The following HMGA2 variants were observed in gnomAD, a reference collection of about 807,000 sequenced individuals.
The protein encoded by HMGA2 is high mobility group AT-hook 2.
A neutral mutation model predicts 19.1 loss-of-function variants in HMGA2; 8 were observed. The observed-to-expected ratio is 0.42, with a 90% CI of 0.25 to 0.76. HMGA2 has a LOEUF of 0.76. Among genes scored for constraint, HMGA2 ranks in the 30% least tolerant of loss-of-function variants. The pLI is 0.28. For synonymous variants in HMGA2, 60 were observed against 48.8 expected, an observed-to-expected ratio of 1.23 and a Z score of -0.96; for missense variants, 109 against 136.3, an observed-to-expected ratio of 0.80 and a Z score of 1.00.
chr12:65,896,918 G>A (rs1470532215), intron 3 of HMGA2, among the ~76,000 whole-genome samples: 5 of 152,176 alleles, frequency 3.3e-5, no homozygotes, highest in Non-Finnish European at 5.9e-5. Context: ...CTGCTGTGGT[G>A]GTATATCCCT....
chr12:65,890,262 C>T (rs1478874277), intron 3 of HMGA2, among the ~76,000 whole-genome samples: 2 of 152,164 alleles, frequency 1.3e-5, no homozygotes, highest in Admixed American at 6.5e-5. Flanking sequence ...CTCAATAGTA[C>T]AGAGACCATG....
intron 3 of HMGA2, among the ~76,000 whole-genome samples, chr12:65,921,265 G>GTTT (rs1281681694): frequency 6.6e-6 from 1 of 152,114 alleles, no homozygotes; most frequent in South Asian, 2.1e-4. Flanking sequence ...TTTTGTTTTT[G>GTTT]TTTTTGTTTT....
At chr12:65,868,352 G>T (rs1218121793) in intron 3 of HMGA2, among the ~76,000 whole-genome samples, 2 of 151,538 alleles carry the variant, frequency 1.3e-5, no homozygotes, top group South Asian at 2.1e-4. Flanking sequence ...TTTGTTCTTA[G>T]AGTTCAGAAC....
At chr12:65,925,185 A>C (rs1474132669) in intron 3 of HMGA2, among the ~76,000 whole-genome samples, 2 of 152,194 alleles carry the variant, frequency 1.3e-5, no homozygotes, top group Admixed American at 1.3e-4. Context: ...CTTTTCTACA[A>C]TTTCTAAAGT....
intron 3 of HMGA2, among the ~76,000 whole-genome samples, chr12:65,848,752 A>T (rs1871332101): frequency 6.6e-6 from 1 of 152,066 alleles, no homozygotes; most frequent in South Asian, 2.1e-4. Flanking sequence ...GCTACTCGGG[A>T]GGCTGAGGCA....
chr12:65,875,604 T>TTTTTTTTTTTTC (rs1872965103), intron 3 of HMGA2, among the ~76,000 whole-genome samples: 1 of 87,318 alleles, frequency 1.1e-5, no homozygotes, highest in Non-Finnish European at 2.2e-5. Flanking sequence ...TTTTTTTTTT[T>TTTTTTTTTTTTC]TTTTTTTTTT....
intron 3 of HMGA2, among the ~76,000 whole-genome samples, chr12:65,946,432 T>C (rs1876265981): frequency 6.6e-6 from 1 of 152,214 alleles, no homozygotes; most frequent in South Asian, 2.1e-4. Flanking sequence ...GGCTTCTTTC[T>C]TTCTAAGGTC....
chr12:65,933,229 G>A (rs530682337), intron 3 of HMGA2, among the ~76,000 whole-genome samples: 7 of 152,200 alleles, frequency 4.6e-5, no homozygotes, highest in African/African-American at 1.7e-4. Context: ...ATTATCAGCT[G>A]CCAAGAGTAA....
At chr12:65,837,255 A>G (rs1285501985) in intron 2 of HMGA2, among the ~76,000 whole-genome samples, 1 of 152,222 alleles carries the variant, frequency 6.6e-6, no homozygotes, top group Non-Finnish European at 1.5e-5. Context: ...ATGCCAGATC[A>G]GGGAGATACT....
chr12:65,937,107 T>C (rs1325140151), intron 3 of HMGA2, among the ~76,000 whole-genome samples: 1 of 152,086 alleles, frequency 6.6e-6, no homozygotes, highest in Admixed American at 6.6e-5. Flanking sequence ...CTTACAAACA[T>C]CCTTCTTTTA....
intron 1 of HMGA2, chr12:65,826,595 G>C (rs1384495005): frequency 6.6e-6 from 1 of 152,108 alleles, no homozygotes; most frequent in Non-Finnish European, 1.5e-5. Context: ...AAAATTGAGA[G>C]TTGTACCTTT....
intron 3 of HMGA2, among the ~76,000 whole-genome samples, chr12:65,947,883 A>G (rs775600942): frequency 6.8e-4 from 103 of 152,200 alleles, no homozygotes; most frequent in Non-Finnish European, 1.2e-3. Flanking sequence ...TTCATCAGCA[A>G]CCTGGAGGAA....
intron 3 of HMGA2, among the ~76,000 whole-genome samples, chr12:65,852,977 G>A (rs571220595): frequency 2.6e-4 from 40 of 152,306 alleles, no homozygotes; most frequent in Non-Finnish European, 4.7e-4. Flanking sequence ...ATCTAAATGA[G>A]AAGGAAACTT....
chr12:65,949,694 G>A (rs1343781906), intron 3 of HMGA2, among the ~76,000 whole-genome samples: 1 of 152,112 alleles, frequency 6.6e-6, no homozygotes, highest in East Asian at 1.9e-4. Context: ...ACTCAAAAGA[G>A]GAGAGTTTTG....
In HMGA2 at chr12:65,880,681, G is replaced by A. The variant is rs184050006; in HGVS notation, c.249+42112G>A. Among the ~76,000 whole-genome samples, 88 of 152,176 alleles carry A rather than the reference G, an allele frequency of 5.8e-4. 1 individual carries two copies. Among genetic ancestry groups the A allele is most frequent in the African/African-American group, 2.0e-3 (85 of 41,530 alleles). ...GACAATGTACAGTTAAGACCTCATC[G>A]ATATCTCCCGGTAAATGCTTATTTA... is the stretch of plus-strand genomic sequence containing the variant. On this transcript the variant is annotated intron_variant, in intron 3 of 4. Coordinates refer to ENST00000403681, the MANE Select transcript of HMGA2 (RefSeq NM_003483.6).
chr12:65,906,316 G>A (rs184392105), intron 3 of HMGA2, among the ~76,000 whole-genome samples: 1 of 152,114 alleles, frequency 6.6e-6, no homozygotes, highest in South Asian at 2.1e-4. Context: ...GACTGTCAGG[G>A]GTCACTTGGG....
chr12:65,929,495 A>G (rs1875631366), intron 3 of HMGA2, among the ~76,000 whole-genome samples: 1 of 150,972 alleles, frequency 6.6e-6, no homozygotes, highest in African/African-American at 2.4e-5. Flanking sequence ...TATATGTAAT[A>G]TATATCATAT....
Position 65,927,669 on chromosome 12 carries a change from C to T in HMGA2, c.250-23714C>T, listed in dbSNP as rs371989877. Among the ~76,000 whole-genome samples, 19 of 152,098 alleles carry T rather than the reference C, an allele frequency of 1.2e-4. No homozygotes were observed. In the South Asian group the frequency reaches 2.5e-3, roughly 20 times the overall value. ...TAGAAGCAGGAAATGGGTTAGAAAC[C>T]AGAACCCTGATTTACAGCTAATTGT... is the stretch of plus-strand genomic sequence containing the variant. On this transcript the variant is annotated intron_variant, in intron 3 of 4. Transcript: ENST00000403681.
chr12:65,897,740 A>G (rs1234099052), intron 3 of HMGA2, among the ~76,000 whole-genome samples: 3 of 152,176 alleles, frequency 2.0e-5, no homozygotes, highest in South Asian at 4.1e-4. Context: ...CAGGCAGATC[A>G]CCTGAGGTCA....
Sources: gnomAD v4.1 joint callset for allele counts (sites outside exome capture counted in the v4.1 genomes callset) on GRCh38, gnomAD v4.1.1 for gene constraint, MANE v1.5 for transcripts, NCBI Gene and HGNC (gene_info 2026-07-23, HGNC 2026-07-21) for gene names.